Variants in NEUROD2 observed in about 807,000 individuals in gnomAD.
NEUROD2 encodes the protein neurogenic differentiation factor 2.
A neutral mutation model predicts 9.3 loss-of-function variants in NEUROD2; 5 were observed. The observed-to-expected ratio is 0.54, with a 90% CI of 0.28 to 1.13. The LOEUF (loss-of-function observed/expected upper bound fraction) is 1.13, where lower values mean the gene tolerates loss of function less well. Among genes scored for constraint, NEUROD2 ranks in the 50% most tolerant of loss-of-function variants. The pLI, the probability that NEUROD2 is intolerant of heterozygous loss-of-function variation, is 0.10. For missense variants in NEUROD2, 376 were observed against 549.2 expected, an observed-to-expected ratio of 0.68 and a Z score of 3.15; for synonymous variants, 277 against 257.3, an observed-to-expected ratio of 1.08 and a Z score of -0.73.
In NEUROD2 at chr17:39,606,604, C is replaced by G. The variant is rs772083809; in HGVS notation, c.-5G>C. ...GCTGAACAGGCGGGTCAGCATGGTG[C>G]CTGAGGGCGCCCCGCGGGCGGGAAG... On this transcript the variant is annotated splice_region_variant and 5_prime_UTR_variant, in exon 2 of 2. Transcript: ENST00000302584. The surrounding 1 kb of genome is among the most constrained non-coding windows in gnomAD (Gnocchi z 7.8). The G allele has an allele frequency of 5.2e-6, 8 of 1,546,740 alleles. No homozygotes were observed. The highest frequency in any genetic ancestry group is 6.9e-6 in the Non-Finnish European group (8 of 1,159,402).
At position 39,605,893 on chromosome 17, in the gene NEUROD2, A is replaced by G; in HGVS notation, c.707T>C (p.Met236Thr). The change falls in exon 2 of 2, where the codon ATG becomes ACG. Residue 236 changes from methionine (M) to threonine (T), a missense_variant. Physicochemically the swap from Met to Thr is moderately conservative, Grantham distance 81. Around this residue, in one of 3 missense-constraint regions of NEUROD2, gnomAD observed 193 missense variants for 255.8 expected, o/e 0.75. Coordinates refer to ENST00000302584, the MANE Select transcript of NEUROD2 (RefSeq NM_006160.4). The surrounding 1 kb of genome is among the most constrained non-coding windows in gnomAD (Gnocchi z 6.8). ...RFHGSGGPFAMHPYPYPCSRL... is the reference protein window; with the variant it reads ...RFHGSGGPFATHPYPYPCSRL... ...CGAGCACGGGTACGGGTAGGGGTGC[A>G]TGGCGAACGGGCCGCCCGAGCCGTG... 1.2e-6 allele frequency: 2 copies of G among 1,603,126 alleles called. No homozygotes were observed. The highest frequency in any genetic ancestry group is 1.7e-6 in the Non-Finnish European group (2 of 1,176,564).
rs776073666 is a variant in NEUROD2, at chr17:39,605,856, G to T, written c.744C>A (p.Gly248=). 3.3e-6 allele frequency: 5 copies of T among 1,493,590 alleles called. No homozygotes were observed. Among genetic ancestry groups the T allele is most frequent in the Admixed American group, 2.4e-5 (1 of 42,516 alleles). The allele number at this position is 1,493,590 out of a possible 1,614,324, so 92.5% of individuals were successfully genotyped here. ...PYPYPCSRLA[G]AQCQAAGGLG... is the part of the protein sequence containing the mutation. The stretch of plus-strand genomic sequence containing the variant: ...GGCCGCCGGCCGCCTGGCACTGTGC[G>T]CCCGCCAGGCGCGAGCACGGGTACG... The change falls in exon 2 of 2, where the codon GGC becomes GGA. Residue 248 remains glycine (G), a synonymous_variant. Coordinates refer to ENST00000302584, the MANE Select transcript of NEUROD2 (RefSeq NM_006160.4). This position sits in a 1 kb window ranked among gnomAD's most constrained non-coding sequence, Gnocchi z 6.8.
chr17:39,604,265 G>C lies in NEUROD2; in HGVS notation c.*1186C>G, dbSNP rs1229136632. 5 of 152,714 alleles carry C rather than the reference G, an allele frequency of 3.3e-5. No individual in the cohort carries two copies. Among genetic ancestry groups the C allele is most frequent in the South Asian group, 2.1e-4 (1 of 4,832 alleles). The allele number at this position is 152,714 out of a possible 1,614,324, so 9.5% of individuals were successfully genotyped here. A position where few individuals can be genotyped will look rare whatever the true frequency, so the allele number is the denominator to read the frequency against. On this transcript the variant is annotated 3_prime_UTR_variant, in exon 2 of 2. Coordinates refer to ENST00000302584, the MANE Select transcript of NEUROD2 (RefSeq NM_006160.4). ...CTTCTGCCCCCCGGACGCCGGCGCCGGGCCTGCTTGTGCGTGCGGTGTGGT... is the reference window on the plus strand; with the variant it reads ...CTTCTGCCCCCCGGACGCCGGCGCCCGGCCTGCTTGTGCGTGCGGTGTGGT...
In NEUROD2 at chr17:39,606,368, C is replaced by T; in HGVS notation, c.232G>A (p.Glu78Lys). The change falls in exon 2 of 2, where the codon GAG becomes AAG. Residue 78 changes from glutamate to lysine, a missense_variant. Glu to Lys is a moderately conservative substitution (Grantham distance 56, BLOSUM62 1). This residue lies in a region of NEUROD2 where 134 missense variants were observed against 133.6 expected (regional missense o/e 1.00). Coordinates refer to ENST00000302584, the MANE Select transcript of NEUROD2 (RefSeq NM_006160.4). The surrounding 1 kb of genome is among the most constrained non-coding windows in gnomAD (Gnocchi z 7.8). Reference protein sequence around the residue: ...ATLAEVKEEGELGGEEEEEEE... With the variant: ...ATLAEVKEEGKLGGEEEEEEE... The stretch of plus-strand genomic sequence containing the variant: ...TCCTCCTCCTCCTCTCCCCCCAGCT[C>T]GCCTTCCTCCTTGACCTCGGCCAAC... 1 of 1,567,306 alleles carries T rather than the reference C, an allele frequency of 6.4e-7. No homozygotes were observed. The highest frequency in any genetic ancestry group is 8.6e-7 in the Non-Finnish European group (1 of 1,159,052).
Position 39,606,800 on chromosome 17 carries a change from A to T in NEUROD2, c.-5-196T>A, listed in dbSNP as rs912269367. 3.6e-6 allele frequency: 2 copies of T among 548,080 alleles called. No homozygotes were observed. The highest frequency in any genetic ancestry group is 6.2e-6 in the Non-Finnish European group (2 of 324,954). 34.0% of individuals were successfully genotyped at this position (548,080 alleles called of 1,614,324 possible). A position where few individuals can be genotyped will look rare whatever the true frequency, so the allele number is the denominator to read the frequency against. ...AGCCCTACCCGGCTGCCGGCCTGGG[A>T]TCTCGGCCCAGGCCCTCTCCCCGGC... is the stretch of plus-strand genomic sequence containing the variant. On this transcript the variant is annotated intron_variant, in intron 1 of 1. Coordinates refer to ENST00000302584, the MANE Select transcript of NEUROD2 (RefSeq NM_006160.4). This position sits in a 1 kb window ranked among gnomAD's most constrained non-coding sequence, Gnocchi z 7.8.
intron 1 of NEUROD2, chr17:39,607,071 C>G (rs557108362): frequency 2.4e-4 from 38 of 155,654 alleles, no homozygotes; most frequent in Middle Eastern, 6.5e-3. Context: ...GCTCCCTCAC[C>G]CCTCCCGTGG....
chr17:39,605,334 G>A lies in NEUROD2; in HGVS notation c.*117C>T, dbSNP rs1351308751. On this transcript the variant is annotated 3_prime_UTR_variant, in exon 2 of 2. Transcript: ENST00000302584. This position sits in a 1 kb window ranked among gnomAD's most constrained non-coding sequence, Gnocchi z 6.8. ...CTGCCCCAGGAGAGCGGCAGGACCG[G>A]TGGCCCGCTCCCCGCGCCCGGCGCC... 3.0e-5 allele frequency: 40 copies of A among 1,350,160 alleles called. 1 individual carries two copies. In the South Asian group the frequency reaches 5.8e-4, roughly 20 times the overall value. The allele number at this position is 1,350,160 out of a possible 1,614,324, so 83.6% of individuals were successfully genotyped here. A position where few individuals can be genotyped will look rare whatever the true frequency, so the allele number is the denominator to read the frequency against.
chr17:39,607,902 G>C lies in NEUROD2; in HGVS notation c.-180C>G, dbSNP rs2056776798. Reference sequence around the variant, plus strand: ...TCTTCAGAGCGCCATGCGAACCGCGGAGCGAGTGTGGCATCTCTACCAGGC... The same window carrying C: ...TCTTCAGAGCGCCATGCGAACCGCGCAGCGAGTGTGGCATCTCTACCAGGC... On this transcript the variant is annotated 5_prime_UTR_variant, in exon 1 of 2. Coordinates refer to ENST00000302584, the MANE Select transcript of NEUROD2 (RefSeq NM_006160.4). 6.6e-6 allele frequency: 1 copy of C among 152,232 alleles called. No individual in the cohort carries two copies. Among genetic ancestry groups the C allele is most frequent in the Non-Finnish European group, 1.5e-5 (1 of 68,082 alleles). The allele number at this position is 152,232 out of a possible 1,614,324, so 9.4% of individuals were successfully genotyped here.
Position 39,605,238 on chromosome 17 carries a change from G to C in NEUROD2, c.*213C>G. 1 of 550,758 alleles carries C rather than the reference G, an allele frequency of 1.8e-6. No individual in the cohort carries two copies. Among genetic ancestry groups the C allele is most frequent in the Non-Finnish European group, 3.1e-6 (1 of 323,668 alleles). The allele number at this position is 550,758 out of a possible 1,614,324, so 34.1% of individuals were successfully genotyped here. A position where few individuals can be genotyped will look rare whatever the true frequency, so the allele number is the denominator to read the frequency against. On this transcript the variant is annotated 3_prime_UTR_variant, in exon 2 of 2. Coordinates refer to ENST00000302584, the MANE Select transcript of NEUROD2 (RefSeq NM_006160.4). This position sits in a 1 kb window ranked among gnomAD's most constrained non-coding sequence, Gnocchi z 6.8. ...AGAGAGGAGGAGGGAACCCCTTGGGGAGAGAGAAGGCGAGTCCCCTGGGGG... is the reference window on the plus strand; with the variant it reads ...AGAGAGGAGGAGGGAACCCCTTGGGCAGAGAGAAGGCGAGTCCCCTGGGGG...
At position 39,604,108 on chromosome 17, in the gene NEUROD2, G is replaced by A. The variant is rs1482709265; in HGVS notation, c.*1343C>T. 2 of 152,588 alleles carry A rather than the reference G, an allele frequency of 1.3e-5. No homozygotes were observed. Among genetic ancestry groups the A allele is most frequent in the African/African-American group, 2.4e-5 (1 of 41,370 alleles). 9.5% of individuals were successfully genotyped at this position (152,588 alleles called of 1,614,324 possible). On this transcript the variant is annotated 3_prime_UTR_variant, in exon 2 of 2. Transcript: ENST00000302584. ...CAAAAAATACTCTCTCCAGACACCG[G>A]AAATCGCCAGGTGGCACCCACCGAG...
In NEUROD2 at chr17:39,605,432, AGG is replaced by A. The variant is rs1264672377; in HGVS notation, c.*17_*18del. The A allele has an allele frequency of 1.3e-6, 2 of 1,539,648 alleles. No homozygotes were observed. Among genetic ancestry groups the A allele is most frequent in the Middle Eastern group, 1.7e-4 (1 of 5,732 alleles). ...GGCGGGCAAAGGCAAAAGAAAAAGA[AGG>A]GAGCCGGCGCGAAGTCTCAGTTATG... On this transcript the variant is annotated 3_prime_UTR_variant, in exon 2 of 2. Transcript: ENST00000302584. The surrounding 1 kb of genome is among the most constrained non-coding windows in gnomAD (Gnocchi z 6.8).
chr17:39,605,819 C>A lies in NEUROD2; in HGVS notation c.781G>T (p.Ala261Ser). 1 of 1,362,442 alleles carries A rather than the reference C, an allele frequency of 7.3e-7. No homozygotes were observed. Among genetic ancestry groups the A allele is most frequent in the African/African-American group, 1.5e-5 (1 of 65,208 alleles). 84.4% of individuals were successfully genotyped at this position (1,362,442 alleles called of 1,614,324 possible). The change falls in exon 2 of 2, where the codon GCG becomes TCG. Residue 261 changes from alanine to serine, a missense_variant. By Grantham distance (99) the Ala-to-Ser change is moderately conservative. This residue lies in a region of NEUROD2 where 193 missense variants were observed against 255.8 expected (regional missense o/e 0.75). Coordinates refer to ENST00000302584, the MANE Select transcript of NEUROD2 (RefSeq NM_006160.4). This position sits in a 1 kb window ranked among gnomAD's most constrained non-coding sequence, Gnocchi z 6.8. ...CCGTGGGTCCGCAGGGCGTGCGCCG[C>A]GCCGCCGCCCAGGCCGCCGGCCGCC... ...CQAAGGLGGGAAHALRTHGYC... is the reference protein window; with the variant it reads ...CQAAGGLGGGSAHALRTHGYC...
At position 39,606,588 on chromosome 17, in the gene NEUROD2, G is replaced by A. The variant is rs114810359; in HGVS notation, c.12C>T (p.Arg4=). Residue 4 remains arginine (R), a synonymous_variant, in exon 2 of 2, where the codon CGC becomes CGT. Transcript: ENST00000302584. This position sits in a 1 kb window ranked among gnomAD's most constrained non-coding sequence, Gnocchi z 7.8. The part of the protein sequence containing the change: MLT[R]LFSEPGLLSD... ...AGAGAAGGCCGGGCTCGCTGAACAG[G>A]CGGGTCAGCATGGTGCCTGAGGGCG... The A allele has an allele frequency of 2.8e-3, 4,357 of 1,578,158 alleles. 111 individuals carry two copies. In the African/African-American group the frequency reaches 0.053, roughly 19 times the overall value.
chr17:39,606,270 C>T lies in NEUROD2; in HGVS notation c.330G>A (p.Lys110=). The T allele has an allele frequency of 6.2e-7, 1 of 1,609,876 alleles. No individual in the cohort carries two copies. Among genetic ancestry groups the T allele is most frequent in the Non-Finnish European group, 8.5e-7 (1 of 1,179,570 alleles). ...AGCGCTCCAAGCGCGCCTTGGTCAT[C>T]TTGCGCTTCTTGGGCCCGCGCTTCT... is the stretch of plus-strand genomic sequence containing the variant. ...RPKKRGPKKR[K]MTKARLERSK... is the part of the protein sequence containing the mutation. The change falls in exon 2 of 2, where the codon AAG becomes AAA. Residue 110 remains lysine (K), a synonymous_variant. Transcript: ENST00000302584. This position sits in a 1 kb window ranked among gnomAD's most constrained non-coding sequence, Gnocchi z 7.8.
rs867666920 is a variant in NEUROD2 at position 39,604,751 on chromosome 17, T to C, written c.*700A>G. On this transcript the variant is annotated 3_prime_UTR_variant, in exon 2 of 2. Coordinates refer to ENST00000302584, the MANE Select transcript of NEUROD2 (RefSeq NM_006160.4). Reference sequence around the variant, plus strand: ...CTCTGCGTTCGGCTTCCGTCGCCTCTTAGCTTTTTTTTTTTTTTTTTTTTT... The same window carrying C: ...CTCTGCGTTCGGCTTCCGTCGCCTCCTAGCTTTTTTTTTTTTTTTTTTTTT... 2.9e-5 allele frequency: 4 copies of C among 139,722 alleles called. No homozygotes were observed. The highest frequency in any genetic ancestry group is 1.1e-4 in the African/African-American group (4 of 37,886). The allele number at this position is 139,722 out of a possible 1,614,324, so 8.7% of individuals were successfully genotyped here. A position where few individuals can be genotyped will look rare whatever the true frequency, so the allele number is the denominator to read the frequency against.
rs1457972380 is a variant in NEUROD2 at position 39,606,418 on chromosome 17, C to T, written c.182G>A (p.Arg61His). ...CGTGGCCTCCGTCCCCTCTTCTCCA[C>T]GGAGAGGGACTGGCTTGGCCGCCCG... is the stretch of plus-strand genomic sequence containing the variant. ...PARAAKPVPLRGEEGTEATLA... is the reference protein window; with the variant it reads ...PARAAKPVPLHGEEGTEATLA... Residue 61 changes from arginine to histidine, a missense_variant, in exon 2 of 2, where the codon CGT becomes CAT. Around this residue, in one of 3 missense-constraint regions of NEUROD2, gnomAD observed 134 missense variants for 133.6 expected, o/e 1.00. Coordinates refer to ENST00000302584, the MANE Select transcript of NEUROD2 (RefSeq NM_006160.4). The surrounding 1 kb of genome is among the most constrained non-coding windows in gnomAD (Gnocchi z 7.8). 2.0e-6 allele frequency: 3 copies of T among 1,535,636 alleles called. No homozygotes were observed. The highest frequency in any genetic ancestry group is 2.6e-6 in the Non-Finnish European group (3 of 1,143,350).
chr17:39,605,573 C>T lies in NEUROD2; in HGVS notation c.1027G>A (p.Val343Ile). Residue 343 changes from valine to isoleucine, a missense_variant, in exon 2 of 2, where the codon GTC (valine) becomes ATC (isoleucine). By Grantham distance (29) the Val-to-Ile change is conservative (BLOSUM62 3). Around this residue, in one of 3 missense-constraint regions of NEUROD2, gnomAD observed 193 missense variants for 255.8 expected, o/e 0.75. Coordinates refer to ENST00000302584, the MANE Select transcript of NEUROD2 (RefSeq NM_006160.4). This position sits in a 1 kb window ranked among gnomAD's most constrained non-coding sequence, Gnocchi z 6.8. ...PGSRPTGHGL[V>I]FGSSAVRGGV... is the part of the protein sequence containing the mutation. ...CCGCGCACAGCCGACGAGCCGAAGA[C>T]TAGCCCGTGGCCCGTGGGCCGCGAA... The T allele has an allele frequency of 6.2e-7, 1 of 1,613,834 alleles. No individual in the cohort carries two copies. The highest frequency in any genetic ancestry group is 8.5e-7 in the Non-Finnish European group (1 of 1,179,900).
rs1370534692 is a variant in NEUROD2 at position 39,606,317 on chromosome 17, C to T, written c.283G>A (p.Glu95Lys). The T allele has an allele frequency of 1.9e-6, 3 of 1,602,168 alleles. No individual in the cohort carries two copies. The highest frequency in any genetic ancestry group is 1.3e-5 in the African/African-American group (1 of 74,690). The change falls in exon 2 of 2, where the codon GAG becomes AAG. Residue 95 changes from glutamate to lysine, a missense_variant. This residue lies in a region of NEUROD2 where 134 missense variants were observed against 133.6 expected (regional missense o/e 1.00). Coordinates refer to ENST00000302584, the MANE Select transcript of NEUROD2 (RefSeq NM_006160.4). The surrounding 1 kb of genome is among the most constrained non-coding windows in gnomAD (Gnocchi z 7.8). ...EEEEEEEGLDEAEGERPKKRG... is the reference protein window; with the variant it reads ...EEEEEEEGLDKAEGERPKKRG... ...TTCTTGGGCCGCTCGCCCTCCGCCTCGTCCAGTCCTTCTTCCTCCTCCTCT... is the reference window on the plus strand; with the variant it reads ...TTCTTGGGCCGCTCGCCCTCCGCCTTGTCCAGTCCTTCTTCCTCCTCCTCT...
intron 1 of NEUROD2, 123 bp downstream of exon 1, chr17:39,607,605 G>A (rs1197572165): frequency 5.1e-6 from 5 of 985,082 alleles, no homozygotes; most frequent in Non-Finnish European, 6.0e-6. Flanking sequence ...CCCCTCCGAT[G>A]CCCACCCAAT....
Sources: allele counts gnomAD v4.1 joint callset, GRCh38; gene constraint gnomAD v4.1.1; regional missense constraint gnomAD v4.1.1; non-coding constraint Gnocchi (gnomAD v3.1); transcripts MANE v1.5; gene names NCBI Gene and HGNC (gene_info 2026-07-23, HGNC 2026-07-21).